RNASEH1: variants seen among roughly 807,000 people sequenced by gnomAD.
RNASEH1 encodes ribonuclease H1.
RNASEH1 carries 27 observed loss-of-function variants against 34.6 expected under a neutral mutation model. The ratio of observed to expected loss-of-function variants is 0.78; its 90% CI spans 0.58 to 1.08. The LOEUF (loss-of-function observed/expected upper bound fraction) is 1.08, where lower values mean the gene tolerates loss of function less well. Ranked by LOEUF, RNASEH1 falls within the 50% of genes least tolerant of loss-of-function variation. The pLI, the probability that RNASEH1 is intolerant of heterozygous loss-of-function variation, is 0.00. For synonymous variants in RNASEH1, 162 were observed against 138.4 expected (o/e 1.17, Z -1.20); for missense variants, 349 against 373.6 (o/e 0.93, Z 0.54).
chr2:3,536,815 G>GC (rs1365506387), downstream of RNASEH1: 5 of 152,336 alleles, frequency 3.3e-5, no homozygotes, highest in African/African-American at 1.2e-4. Flanking sequence ...TCTGGAGGCT[G>GC]CAAGTCTCAG....
rs1660552689 is a variant in RNASEH1 at position 3,556,858 on chromosome 2, T to C, written c.175A>G (p.Lys59Glu). 7 of 1,614,158 alleles carry C rather than the reference T, an allele frequency of 4.3e-6. No individual in the cohort carries two copies. The highest frequency in any genetic ancestry group is 5.9e-6 in the Non-Finnish European group (7 of 1,179,970). Reference protein sequence around the residue: ...QVDRFPAARFKKFATEDEAWA... With the variant: ...QVDRFPAARFEKFATEDEAWA... ...GCCTCATCCTCTGTGGCAAACTTCT[T>C]AAATCTGGCAGCAGGAAACCGGTCC... Residue 59 changes from lysine to glutamate, a missense_variant, in exon 2 of 8, where the codon AAG becomes GAG. Physicochemically the swap from Lys to Glu is moderately conservative, Grantham distance 56. Transcript: ENST00000315212.
At chr2:3,551,772 T>C (rs547104704) in intron 3 of RNASEH1, among the ~76,000 whole-genome samples, 1 of 152,168 alleles carries the variant, frequency 6.6e-6, no homozygotes, top group Non-Finnish European at 1.5e-5. Flanking sequence ...TTCCAAAGAT[T>C]GAATATGAAA....
the RNASEH1 span, chr2:3,532,246 C>T: frequency 1.4e-6 from 1 of 702,288 alleles, no homozygotes; most frequent in Non-Finnish European, 2.6e-6. Context: ...AAACATTTCT[C>T]ATGACCCTCA....
intron 1 of RNASEH1, chr2:3,557,912 G>C: frequency 6.6e-7 from 1 of 1,522,516 alleles, no homozygotes; most frequent in Non-Finnish European, 8.9e-7. Flanking sequence ...CGACGTTTCT[G>C]ATATTTCAAA....
At position 3,542,186 on chromosome 2, in the gene RNASEH1, C is replaced by G. The variant is rs1025153157; in HGVS notation, c.*3599G>C. 2.6e-5 allele frequency among the ~76,000 whole-genome samples: 4 copies of G among 152,110 alleles called. No individual in the cohort carries two copies. The highest frequency in any genetic ancestry group is 4.4e-5 in the Non-Finnish European group (3 of 68,016). On this transcript the variant is annotated 3_prime_UTR_variant, in exon 8 of 8. Coordinates refer to ENST00000315212, the MANE Select transcript of RNASEH1 (RefSeq NM_002936.6). Reference sequence around the variant, plus strand: ...AAAAATGTAACACTAAACTCCAGTTCAAGCAAATCTTCTTAAAATAACAGA... The same window carrying G: ...AAAAATGTAACACTAAACTCCAGTTGAAGCAAATCTTCTTAAAATAACAGA...
At position 3,552,195 on chromosome 2, in the gene RNASEH1, G is replaced by A; in HGVS notation, c.358C>T (p.Pro120Ser). Residue 120 changes from proline to serine, a missense_variant, in exon 3 of 8, where the codon CCG becomes TCG. By Grantham distance (74) the Pro-to-Ser change is moderately conservative. Around this residue, in one of 2 missense-constraint regions of RNASEH1, gnomAD observed 256 missense variants for 240.7 expected, o/e 1.06. Transcript: ENST00000315212. ...SAEPYAKHMK[P>S]SVEPAPPVSR... Reference sequence around the variant, plus strand: ...ACTGGAGGCGCCGGCTCCACGCTCGGCTTCATGTGCTTTGCATACGGCTCT... The same window carrying A: ...ACTGGAGGCGCCGGCTCCACGCTCGACTTCATGTGCTTTGCATACGGCTCT... The A allele has an allele frequency of 1.2e-6, 2 of 1,612,716 alleles. No individual in the cohort carries two copies. Among genetic ancestry groups the A allele is most frequent in the Non-Finnish European group, 8.5e-7 (1 of 1,179,902 alleles).
At chr2:3,549,196 T>C (rs1050116246) in intron 4 of RNASEH1, 84 bp from the exon 5 acceptor site, 2 of 989,904 alleles carry the variant, frequency 2.0e-6, no homozygotes, top group South Asian at 1.3e-5. Flanking sequence ...GATAAACTAG[T>C]GTGTATTCTT....
At chr2:3,557,702 T>C (rs1660652066) in intron 1 of RNASEH1, 1 of 456,934 alleles carries the variant, frequency 2.2e-6, no homozygotes, top group African/African-American at 2.0e-5. Flanking sequence ...AGGATCCAAC[T>C]GCAAATACTG....
downstream of RNASEH1, among the ~76,000 whole-genome samples, chr2:3,539,949 G>C (rs2103269470): frequency 6.6e-6 from 1 of 152,228 alleles, no homozygotes; most frequent in Admixed American, 6.5e-5. Context: ...TTCTCGTTTT[G>C]TTTGACCTCC....
At chr2:3,549,917 G>A (rs1263218286) in intron 4 of RNASEH1, among the ~76,000 whole-genome samples, 1 of 150,194 alleles carries the variant, frequency 6.7e-6, no homozygotes, top group African/African-American at 2.5e-5. Context: ...CTGCACTCTA[G>A]CCTGGGCGAT....
At position 3,543,678 on chromosome 2, in the gene RNASEH1, C is replaced by T. The variant is rs1668486886; in HGVS notation, c.*2107G>A. On this transcript the variant is annotated 3_prime_UTR_variant, in exon 8 of 8. Transcript: ENST00000315212. ...CCAGGCTGGAATGTGGTGGCATGGT[C>T]ACAGCTCACGCATCCTCGACCTCCT... Among the ~76,000 whole-genome samples the T allele has an allele frequency of 6.6e-6, 1 of 151,950 alleles. No homozygotes were observed. Among genetic ancestry groups the T allele is most frequent in the Non-Finnish European group, 1.5e-5 (1 of 67,996 alleles).
At chr2:3,548,166 T>C in intron 6 of RNASEH1, 111 bp from the exon 7 acceptor site, 1 of 1,317,030 alleles carries the variant, frequency 7.6e-7, no homozygotes, top group Non-Finnish European at 1.1e-6. Context: ...TCACCATCCT[T>C]GACTCTTCAC....
At chr2:3,535,404 G>A in the RNASEH1 span, among the ~76,000 whole-genome samples, 82 of 145,330 alleles carry the variant, frequency 5.6e-4, no homozygotes, top group Non-Finnish European at 4.8e-4. Context: ...TCCAGCCTGC[G>A]TGACAGAGTG....
chr2:3,536,652 G>A (rs566679635), downstream of RNASEH1: 34 of 152,382 alleles, frequency 2.2e-4, no homozygotes, highest in African/African-American at 7.0e-4. Flanking sequence ...ACTGGAGTGG[G>A]CCCTTGAATA....
At chr2:3,552,383 G>C (rs1043807501) in intron 2 of RNASEH1, 75 bp from the exon 3 acceptor site, 7 of 1,411,986 alleles carry the variant, frequency 5.0e-6, no homozygotes, top group African/African-American at 4.3e-5. Context: ...AAGACATTCA[G>C]TAAATTATTT....
Position 3,541,916 on chromosome 2 carries a change from GC to G in RNASEH1, c.*3868del, listed in dbSNP as rs1207695265. ...ACCTGTAATCCCAGCACTTTGGGAGGCCAAGGAAGGAGGATCGCTTGAGGCC... is the reference window on the plus strand; with the variant it reads ...ACCTGTAATCCCAGCACTTTGGGAGGCAAGGAAGGAGGATCGCTTGAGGCC... On this transcript the variant is annotated 3_prime_UTR_variant, in exon 8 of 8. Coordinates refer to ENST00000315212, the MANE Select transcript of RNASEH1 (RefSeq NM_002936.6). Among the ~76,000 whole-genome samples the G allele has an allele frequency of 2.6e-5, 4 of 152,214 alleles. No individual in the cohort carries two copies. The highest frequency in any genetic ancestry group is 9.7e-5 in the African/African-American group (4 of 41,446).
downstream of RNASEH1, among the ~76,000 whole-genome samples, chr2:3,539,431 C>CT (rs1420627609): frequency 4.6e-5 from 7 of 152,132 alleles, no homozygotes; most frequent in Non-Finnish European, 8.8e-5. Context: ...GAAAGTTGTT[C>CT]TTTGACAAAT....
chr2:3,532,454 C>T, the RNASEH1 span: 11 of 675,114 alleles, frequency 1.6e-5, no homozygotes, highest in South Asian at 1.3e-4. Flanking sequence ...TACTCAGCCT[C>T]GCATCCCTTG....
At chr2:3,554,814 G>C (rs1660326276) in intron 2 of RNASEH1, among the ~76,000 whole-genome samples, 1 of 152,140 alleles carries the variant, frequency 6.6e-6, no homozygotes, top group Non-Finnish European at 1.5e-5. Context: ...AGCAAAGAAG[G>C]AAAAAGCCAT....
Sources: gnomAD v4.1 joint callset for allele counts (sites outside exome capture counted in the v4.1 genomes callset) on GRCh38, gnomAD v4.1.1 for gene constraint, gnomAD v4.1.1 regional missense constraint, MANE v1.5 for transcripts, NCBI Gene and HGNC (gene_info 2026-07-23, HGNC 2026-07-21) for gene names.